The following SCAF11 variants were observed in gnomAD, a reference collection of about 807,000 sequenced individuals.
SCAF11 encodes the protein protein SCAF11.
SCAF11 carries 47 observed loss-of-function variants against 140.5 expected under a neutral mutation model. The ratio of observed to expected loss-of-function variants is 0.33; its 90% CI spans 0.26 to 0.43. SCAF11 has a LOEUF of 0.43. SCAF11 is among the 20% of genes least tolerant of loss of function. SCAF11 has a pLI of 1.00. For synonymous variants in SCAF11, 557 were observed against 579.4 expected, an observed-to-expected ratio of 0.96 and a Z score of 0.55; for missense variants, 1,645 against 1,705.1, an observed-to-expected ratio of 0.96 and a Z score of 0.62.
intron 1 of SCAF11, among the ~76,000 whole-genome samples, chr12:45,966,615 G>T (rs941108283): frequency 6.6e-6 from 1 of 152,026 alleles, no homozygotes; most frequent in South Asian, 2.1e-4. Context: ...ATTTGAACTG[G>T]CAATCAGAAA....
chr12:45,956,281 G>C (rs959427343), intron 3 of SCAF11: 16 of 649,314 alleles, frequency 2.5e-5, no homozygotes, highest in Non-Finnish European at 4.2e-5. Flanking sequence ...CTGTTTGTGG[G>C]AATCTCGAAC....
At chr12:45,928,910 A>T in intron 10 of SCAF11, 51 bp from the exon 11 acceptor site, 1 of 1,193,660 alleles carries the variant, frequency 8.4e-7, no homozygotes, top group Non-Finnish European at 1.1e-6. Context: ...TTTAAGAAAT[A>T]GTAATTTGGC....
rs1424048339 is a variant in SCAF11 at position 45,961,785 on chromosome 12, A to C, written c.134T>G (p.Leu45Arg). 1.6e-5 allele frequency: 25 copies of C among 1,612,792 alleles called. No homozygotes were observed. The highest frequency in any genetic ancestry group is 2.0e-5 in the Non-Finnish European group (24 of 1,179,064). Reference sequence around the variant, plus strand: ...AACTTCCTTTTCTAATAGACAATTAAGACATATTGGGCATCTGTCAGCCTC... The same window carrying C: ...AACTTCCTTTTCTAATAGACAATTACGACATATTGGGCATCTGTCAGCCTC... ...YSEADRCPIC[L>R]NCLLEKEVGF... The change falls in exon 3 of 15, where the codon CTT (leucine) becomes CGT (arginine). Residue 45 changes from leucine to arginine, a missense_variant. By Grantham distance (102) the Leu-to-Arg change is moderately radical. This residue lies in a region of SCAF11 where 1,582 missense variants were observed against 1,609.2 expected (regional missense o/e 0.98). Coordinates refer to ENST00000369367, the MANE Select transcript of SCAF11 (RefSeq NM_004719.3).
chr12:45,951,641 A>G lies in SCAF11; in HGVS notation c.297+9T>C. 6.5e-7 allele frequency: 1 copy of G among 1,538,754 alleles called. No homozygotes were observed. Among genetic ancestry groups the G allele is most frequent in the Non-Finnish European group, 8.8e-7 (1 of 1,132,652 alleles). ...TATATAATTCATGTTGCAGAATAAA[A>G]AGACTTACCTTAACATAACCTTCCA... On this transcript the variant is annotated intron_variant, in intron 4 of 14. Coordinates refer to ENST00000369367, the MANE Select transcript of SCAF11 (RefSeq NM_004719.3).
chr12:45,946,242 CAG>C (rs1945420699), intron 5 of SCAF11, among the ~76,000 whole-genome samples: 2 of 152,132 alleles, frequency 1.3e-5, no homozygotes, highest in African/African-American at 4.8e-5. Context: ...GTATCAGAAA[CAG>C]AGAGGTCCCA....
At chr12:45,973,015 TATATAG>T (rs1946147904) in intron 1 of SCAF11, among the ~76,000 whole-genome samples, 2 of 145,722 alleles carry the variant, frequency 1.4e-5, no homozygotes, top group South Asian at 2.4e-4. Flanking sequence ...TATATATAGA[TATATAG>T]ATATATAGAT....
chr12:45,964,815 A>G (rs1945906591), intron 1 of SCAF11, among the ~76,000 whole-genome samples: 1 of 152,244 alleles, frequency 6.6e-6, no homozygotes, highest in African/African-American at 2.4e-5. Context: ...GTGATAGGTT[A>G]GATGTGTTGA....
At chr12:45,990,786 C>T (rs757298459), upstream of SCAF11, among the ~76,000 whole-genome samples, 8 of 152,222 alleles carry the variant, frequency 5.3e-5, no homozygotes, top group Non-Finnish European at 1.2e-4. Context: ...TGTTTGAGAC[C>T]GAGAAGCGTG....
At position 45,925,004 on chromosome 12, in the gene SCAF11, C is replaced by A. The variant is rs773339022; in HGVS notation, c.3630G>T (p.Pro1210=). The part of the protein sequence containing the change: ...GSQLPINMMQ[P]QMNVMQQQMN... ...TTTGTTGCTGCATTACATTCATTTG[C>A]GGTTGCATCATATTTATAGGTAGCT... Residue 1210 remains proline, a synonymous_variant, in exon 12 of 15, where the codon CCG becomes CCT. Coordinates refer to ENST00000369367, the MANE Select transcript of SCAF11 (RefSeq NM_004719.3). 7.4e-6 allele frequency: 12 copies of A among 1,613,896 alleles called. No homozygotes were observed. The highest frequency in any genetic ancestry group is 1.7e-5 in the Admixed American group (1 of 59,980).
At chr12:45,982,926 G>C (rs2136666339) in intron 1 of SCAF11, among the ~76,000 whole-genome samples, 1 of 152,282 alleles carries the variant, frequency 6.6e-6, no homozygotes, top group East Asian at 1.9e-4. Context: ...AGTAGACTTG[G>C]AGACATAGGA....
intron 10 of SCAF11, among the ~76,000 whole-genome samples, chr12:45,930,310 C>T (rs2136517345): frequency 6.6e-6 from 1 of 152,316 alleles, no homozygotes; most frequent in East Asian, 1.9e-4. Flanking sequence ...TCAAGGTTTA[C>T]AGTATTGCAC....
intron 1 of SCAF11, among the ~76,000 whole-genome samples, chr12:45,968,691 A>C (rs1946004086): frequency 6.6e-6 from 1 of 152,208 alleles, no homozygotes; most frequent in South Asian, 2.1e-4. Flanking sequence ...CTGTAATCCC[A>C]GCACTTTGGG....
intron 11 of SCAF11, 54 bp from the exon 12 acceptor site, chr12:45,925,128 C>G: frequency 2.1e-6 from 3 of 1,404,488 alleles, no homozygotes; most frequent in Non-Finnish European, 2.9e-6. Flanking sequence ...TCTCTTTAGA[C>G]AGAGAAACAA....
chr12:45,983,576 T>G (rs1162167158), intron 1 of SCAF11, among the ~76,000 whole-genome samples: 1 of 152,082 alleles, frequency 6.6e-6, no homozygotes, highest in East Asian at 1.9e-4. Flanking sequence ...CTTAAGAGTA[T>G]GAACAGAGAC....
At chr12:45,957,198 C>T (rs1298132320) in intron 3 of SCAF11, among the ~76,000 whole-genome samples, 3 of 152,088 alleles carry the variant, frequency 2.0e-5, no homozygotes, top group Non-Finnish European at 4.4e-5. Context: ...ACAGAGGTGT[C>T]TGGGTTAGTT....
chr12:45,954,650 G>A (rs1945636415), intron 3 of SCAF11: 2 of 150,196 alleles, frequency 1.3e-5, no homozygotes, highest in South Asian at 4.2e-4. Flanking sequence ...GCTTACTGCA[G>A]GCTTGAACTC....
intron 10 of SCAF11, among the ~76,000 whole-genome samples, chr12:45,930,506 T>G (rs1192765873): frequency 6.8e-6 from 1 of 147,386 alleles, no homozygotes; most frequent in Non-Finnish European, 1.5e-5. Flanking sequence ...CAGGCTGGAG[T>G]GCAGTGGTGC....
chr12:45,949,380 TTAAAA>T (rs1220924757), intron 4 of SCAF11, among the ~76,000 whole-genome samples: 9 of 152,162 alleles, frequency 5.9e-5, no homozygotes, highest in Non-Finnish European at 8.8e-5. Flanking sequence ...AATAATAATT[TTAAAA>T]TATTACATGT....
chr12:45,922,330 T>C (rs1001287227), intron 14 of SCAF11, 133 bp downstream of exon 14: 1 of 1,475,022 alleles, frequency 6.8e-7, no homozygotes, highest in Non-Finnish European at 9.1e-7. Flanking sequence ...CACAAACTAA[T>C]CAAAAGGCAA....
Sources: allele counts gnomAD v4.1 joint callset (sites outside exome capture counted in the v4.1 genomes callset), GRCh38; gene constraint gnomAD v4.1.1; regional missense constraint gnomAD v4.1.1; transcripts MANE v1.5; gene names NCBI Gene and HGNC (gene_info 2026-07-23, HGNC 2026-07-21).